The following ATL1 variants were observed in gnomAD, a reference collection of about 807,000 sequenced individuals.
ATL1 encodes the protein atlastin-1.
Under a neutral mutation model 75.5 loss-of-function variants are expected in ATL1, and 31 were observed. The observed-to-expected ratio is 0.41, with a 90% CI of 0.31 to 0.55. The LOEUF is 0.55. ATL1 is among the 20% of genes least tolerant of loss of function. The probability of loss-of-function intolerance (pLI) is 0.27; values close to 1 mark genes in which losing one functional copy is unlikely to be tolerated. For synonymous variants in ATL1, 226 were observed against 233.3 expected (o/e 0.97, Z 0.28); for missense variants, 405 against 662.6 (o/e 0.61, Z 4.27).
At chr14:50,577,383 A>G (rs2039016173) in intron 1 of ATL1, among the ~76,000 whole-genome samples, 1 of 152,190 alleles carries the variant, frequency 6.6e-6, no homozygotes. Context: ...TAAGAAATAC[A>G]AAGATGAATA....
chr14:50,614,437 A>G lies in ATL1; in HGVS notation c.788A>G (p.Asn263Ser), dbSNP rs774405576. The G allele has an allele frequency of 9.9e-6, 16 of 1,614,038 alleles. No individual in the cohort carries two copies. Among genetic ancestry groups the G allele is most frequent in the East Asian group, 6.7e-5 (3 of 44,870 alleles). Reference sequence around the variant, plus strand: ...AAACACATCCATTCCTGTTTCACCAACATTTCCTGTTTTCTGCTACCTCAT... The same window carrying G: ...AAACACATCCATTCCTGTTTCACCAGCATTTCCTGTTTTCTGCTACCTCAT... The part of the protein sequence containing the change: ...VRKHIHSCFT[N>S]ISCFLLPHPG... Residue 263 changes from asparagine to serine, a missense_variant, in exon 8 of 14, where the codon AAC becomes AGC. By Grantham distance (46) the Asn-to-Ser change is conservative. Around this residue, in one of 5 missense-constraint regions of ATL1, gnomAD observed 59 missense variants for 161.4 expected, o/e 0.37. Transcript: ENST00000358385.
At position 50,595,706 on chromosome 14, in the gene ATL1, G is replaced by A. The variant is rs111655983; in HGVS notation, c.630+74G>A. 104 of 1,351,310 alleles carry A rather than the reference G, an allele frequency of 7.7e-5. 2 individuals carry two copies. The highest frequency in any genetic ancestry group is 7.6e-4 in the Admixed American group (45 of 59,290). 83.7% of individuals were successfully genotyped at this position (1,351,310 alleles called of 1,614,324 possible). On this transcript the variant is annotated intron_variant, in intron 6 of 13. Coordinates refer to ENST00000358385, the MANE Select transcript of ATL1 (RefSeq NM_015915.5). ...ACTGTAACCAGGTATATTAATTAGG[G>A]TCATGTTTCCTTCTCTTTTTATTTC...
chr14:50,573,293 G>T (rs1045911180), intron 1 of ATL1, among the ~76,000 whole-genome samples: 1 of 152,072 alleles, frequency 6.6e-6, no homozygotes, highest in Non-Finnish European at 1.5e-5. Context: ...TTTTGTTATA[G>T]TCAGAATATA....
intron 8 of ATL1, among the ~76,000 whole-genome samples, chr14:50,616,903 A>C (rs767595766): frequency 3.9e-4 from 60 of 152,304 alleles, no homozygotes; most frequent in South Asian, 4.2e-4. Context: ...TCCCACGCTG[A>C]ATCTTACAAT....
chr14:50,618,217 C>T (rs1312760186), intron 8 of ATL1, among the ~76,000 whole-genome samples: 1 of 152,000 alleles, frequency 6.6e-6, no homozygotes, highest in South Asian at 2.1e-4. Context: ...TAGTAATATT[C>T]TACTAAAGAT....
chr14:50,566,509 A>G (rs919144265), intron 1 of ATL1, among the ~76,000 whole-genome samples: 5 of 152,146 alleles, frequency 3.3e-5, no homozygotes, highest in African/African-American at 1.2e-4. Context: ...CCACATCCTT[A>G]CCCATAGTTG....
intron 6 of ATL1, among the ~76,000 whole-genome samples, 198 bp downstream of exon 6, chr14:50,595,830 A>T (rs898749170): frequency 2.0e-5 from 3 of 152,166 alleles, no homozygotes; most frequent in Admixed American, 2.0e-4. Flanking sequence ...TTTTTAAAAA[A>T]GAGATGTGGA....
chr14:50,540,085 G>C (rs746015036), intron 1 of ATL1, among the ~76,000 whole-genome samples: 2 of 152,176 alleles, frequency 1.3e-5, no homozygotes, highest in Admixed American at 6.5e-5. Flanking sequence ...ATGATGATTG[G>C]GAGCCCACAT....
At chr14:50,614,309 C>G in intron 7 of ATL1, 64 bp from the exon 8 acceptor site, 1 of 1,555,574 alleles carries the variant, frequency 6.4e-7, no homozygotes, top group Non-Finnish European at 8.9e-7. Flanking sequence ...ATATAAGATG[C>G]CACAGAATTC....
chr14:50,584,699 ACT>A (rs1166322577), intron 1 of ATL1, among the ~76,000 whole-genome samples: 1 of 151,872 alleles, frequency 6.6e-6, no homozygotes, highest in Non-Finnish European at 1.5e-5. Context: ...ACAGAACGAG[ACT>A]CTGTCTCAAA....
At chr14:50,582,594 T>G (rs1249170473) in intron 1 of ATL1, among the ~76,000 whole-genome samples, 4 of 150,200 alleles carry the variant, frequency 2.7e-5, no homozygotes, top group Non-Finnish European at 3.0e-5. Context: ...GTTGTTGTTT[T>G]TTTTTTTTTT....
intron 1 of ATL1, among the ~76,000 whole-genome samples, chr14:50,574,965 A>ATC (rs2038991743): frequency 7.4e-6 from 1 of 134,686 alleles, no homozygotes; most frequent in African/African-American, 2.8e-5. Context: ...ATATATATAT[A>ATC]TATATATATA....
intron 1 of ATL1, among the ~76,000 whole-genome samples, chr14:50,544,744 G>A (rs1039348989): frequency 1.3e-5 from 2 of 151,926 alleles, no homozygotes; most frequent in East Asian, 1.9e-4. Flanking sequence ...GACCAGCCTG[G>A]GGAACATAGT....
Position 50,591,034 on chromosome 14 carries a change from T to C in ATL1, c.376T>C (p.Trp126Arg). 1 of 1,613,452 alleles carries C rather than the reference T, an allele frequency of 6.2e-7. No homozygotes were observed. ...SERETTGIQI[W>R]SEIFLINKPD... ...GCGAGAGACCACAGGAATTCAGATA[T>C]GGAGTGAAATCTTCCTTATCAATAA... Residue 126 changes from tryptophan to arginine, a missense_variant, in exon 3 of 14, where the codon TGG becomes CGG. By Grantham distance (101) the Trp-to-Arg change is moderately radical. Transcript: ENST00000358385.
intron 10 of ATL1, among the ~76,000 whole-genome samples, chr14:50,622,426 G>A (rs954466867): frequency 1.3e-5 from 2 of 152,244 alleles, no homozygotes; most frequent in Admixed American, 1.3e-4. Flanking sequence ...CCAGCACTTT[G>A]GGAGGCCGAG....
intron 6 of ATL1, among the ~76,000 whole-genome samples, chr14:50,610,380 T>C (rs1186585147): frequency 2.0e-5 from 3 of 152,080 alleles, no homozygotes; most frequent in Non-Finnish European, 2.9e-5. Flanking sequence ...ACCCTAAGAA[T>C]TTTTATATCC....
intron 12 of ATL1, among the ~76,000 whole-genome samples, chr14:50,628,777 C>T (rs1369351965): frequency 1.3e-5 from 2 of 152,058 alleles, no homozygotes; most frequent in Non-Finnish European, 1.5e-5. Context: ...AGTGCAGTGG[C>T]GTGATCTCAG....
chr14:50,611,939 A>G (rs1055798242), intron 6 of ATL1, among the ~76,000 whole-genome samples: 47 of 152,272 alleles, frequency 3.1e-4, no homozygotes, highest in Non-Finnish European at 5.6e-4. Context: ...GAAGACACAG[A>G]AAGAAGAGCA....
chr14:50,536,976 G>A (rs1170989406), intron 1 of ATL1, among the ~76,000 whole-genome samples: 1 of 152,274 alleles, frequency 6.6e-6, no homozygotes, highest in Non-Finnish European at 1.5e-5. Flanking sequence ...CAAGCAGGCT[G>A]CAGAAATTTG....
Sources: allele counts gnomAD v4.1 joint callset (sites outside exome capture counted in the v4.1 genomes callset), GRCh38; gene constraint gnomAD v4.1.1; regional missense constraint gnomAD v4.1.1; transcripts MANE v1.5; gene names NCBI Gene and HGNC (gene_info 2026-07-23, HGNC 2026-07-21).